CEP135: variants seen among roughly 807,000 people sequenced by gnomAD.
CEP135 encodes the protein centrosomal protein 135.
CEP135 carries 142 observed loss-of-function variants against 157.3 expected under a neutral mutation model. The ratio of observed to expected loss-of-function variants is 0.90; its 90% CI spans 0.79 to 1.04. The LOEUF is 1.04. Among genes scored for constraint, CEP135 ranks in the 50% least tolerant of loss-of-function variants. The pLI is 0.00. For synonymous variants in CEP135, 396 were observed against 439.8 expected, an observed-to-expected ratio of 0.90 and a Z score of 1.25; for missense variants, 1,317 against 1,309.2, an observed-to-expected ratio of 1.01 and a Z score of -0.09.
intron 6 of CEP135, among the ~76,000 whole-genome samples, chr4:55,961,565 G>A (rs1015015744): frequency 1.3e-5 from 2 of 151,722 alleles, no homozygotes; most frequent in Admixed American, 6.6e-5. Flanking sequence ...TGGAGTTGGC[G>A]ACCAGCCTGA....
At chr4:55,961,564 C>T (rs1367212514) in intron 6 of CEP135, among the ~76,000 whole-genome samples, 2 of 151,522 alleles carry the variant, frequency 1.3e-5, no homozygotes, top group Admixed American at 6.6e-5. Context: ...CTGGAGTTGG[C>T]GACCAGCCTG....
chr4:55,996,025 A>G (rs1729958361), intron 15 of CEP135, among the ~76,000 whole-genome samples: 1 of 152,222 alleles, frequency 6.6e-6, no homozygotes, highest in South Asian at 2.1e-4. Context: ...CATATATATT[A>G]GTTGTTTTAC....
At chr4:56,018,133 A>T (rs1730845376) in intron 22 of CEP135, among the ~76,000 whole-genome samples, 1 of 151,958 alleles carries the variant, frequency 6.6e-6, no homozygotes. Context: ...GCATCTGCTA[A>T]CACACCTGGC....
intron 5 of CEP135, among the ~76,000 whole-genome samples, chr4:55,957,590 G>T (rs1401857112): frequency 2.6e-5 from 4 of 152,212 alleles, no homozygotes; most frequent in Non-Finnish European, 1.5e-5. Flanking sequence ...GTTCATACTG[G>T]CTTAAAAATT....
At chr4:55,968,447 C>A (rs1728912717) in intron 8 of CEP135, among the ~76,000 whole-genome samples, 1 of 151,510 alleles carries the variant, frequency 6.6e-6, no homozygotes, top group Non-Finnish European at 1.5e-5. Flanking sequence ...CCCCAGACCA[C>A]CAACACAATC....
At chr4:56,010,089 C>G (rs1730519001) in intron 19 of CEP135, among the ~76,000 whole-genome samples, 186 bp downstream of exon 19, 2 of 152,112 alleles carry the variant, frequency 1.3e-5, no homozygotes, top group African/African-American at 2.4e-5. Context: ...GTGGCTCACA[C>G]CTGTAATCTT....
In CEP135 at chr4:55,963,932, A is replaced by G. The variant is rs536325676; in HGVS notation, c.700-342A>G. ...CCAGGAACTGAAGTAGTTGAGATTCAGTTCTAGTACTTGAGCATGTATGTA... is the reference window on the plus strand; with the variant it reads ...CCAGGAACTGAAGTAGTTGAGATTCGGTTCTAGTACTTGAGCATGTATGTA... On this transcript the variant is annotated intron_variant, in intron 6 of 25. Coordinates refer to ENST00000257287, the MANE Select transcript of CEP135 (RefSeq NM_025009.5). 3.3e-5 allele frequency among the ~76,000 whole-genome samples: 5 copies of G among 152,326 alleles called. No homozygotes were observed. In the South Asian group the frequency reaches 1.0e-3, roughly 32 times the overall value.
intron 21 of CEP135, among the ~76,000 whole-genome samples, chr4:56,012,484 A>G (rs1486155571): frequency 6.6e-6 from 1 of 152,212 alleles, no homozygotes; most frequent in African/African-American, 2.4e-5. Context: ...ACATACATCA[A>G]ATTTCCCATT....
intron 4 of CEP135, among the ~76,000 whole-genome samples, chr4:55,954,799 A>G (rs1163402273): frequency 6.6e-6 from 1 of 152,186 alleles, no homozygotes; most frequent in Non-Finnish European, 1.5e-5. Context: ...AAAGGAAATG[A>G]TGGGTCCAGG....
intron 21 of CEP135, 86 bp downstream of exon 21, chr4:56,012,071 T>TTTA (rs1730606875): frequency 1.1e-6 from 1 of 912,126 alleles, no homozygotes; most frequent in South Asian, 3.2e-5. Context: ...TTATTTATTT[T>TTTA]TTTTGAGATG....
At chr4:55,982,970 T>A (rs748365504) in intron 13 of CEP135, among the ~76,000 whole-genome samples, 8 of 152,188 alleles carry the variant, frequency 5.3e-5, no homozygotes, top group Non-Finnish European at 1.0e-4. Context: ...TCAGTATTAT[T>A]GAATTAATGC....
rs1403924777 is a variant in CEP135, at chr4:56,015,314, C to A, written c.2803-2334C>A. ...AGCTAGTTGGCTGCAAGTTCACCTT[C>A]AAGAAAAGGACAGAATGACTCTTAA... On this transcript the variant is annotated intron_variant, in intron 21 of 25. Coordinates refer to ENST00000257287, the MANE Select transcript of CEP135 (RefSeq NM_025009.5). Among the ~76,000 whole-genome samples the A allele has an allele frequency of 2.6e-5, 4 of 152,292 alleles. No individual in the cohort carries two copies. In the East Asian group the frequency reaches 7.7e-4, roughly 29 times the overall value.
At chr4:56,026,761 T>G (rs537710817) in intron 25 of CEP135, among the ~76,000 whole-genome samples, 2 of 152,266 alleles carry the variant, frequency 1.3e-5, no homozygotes, top group African/African-American at 4.8e-5. Flanking sequence ...TGAGGAAGGA[T>G]CAAAGGGATG....
At chr4:56,002,261 C>G (rs1420841087) in intron 17 of CEP135, among the ~76,000 whole-genome samples, 1 of 151,774 alleles carries the variant, frequency 6.6e-6, no homozygotes, top group South Asian at 2.1e-4. Context: ...TTGTTCTGGC[C>G]AGGACTTCCA....
intron 21 of CEP135, among the ~76,000 whole-genome samples, chr4:56,013,792 G>T (rs1416669413): frequency 6.6e-6 from 1 of 152,088 alleles, no homozygotes; most frequent in Non-Finnish European, 1.5e-5. Flanking sequence ...TAGAATTATA[G>T]CCTCCAGAAA....
intron 18 of CEP135, among the ~76,000 whole-genome samples, chr4:56,008,680 A>G (rs893645820): frequency 2.0e-4 from 30 of 152,132 alleles, no homozygotes; most frequent in African/African-American, 6.3e-4. Flanking sequence ...ACCTAAAATT[A>G]CTTTAGTAGC....
In CEP135 at chr4:55,978,994, C is replaced by T. The variant is rs558299825; in HGVS notation, c.1474-1149C>T. On this transcript the variant is annotated intron_variant, in intron 11 of 25. Transcript: ENST00000257287. ...GGATAACTAATCCCATCCATCATGC[C>T]TCGGTTTTGCTTATTTAACCAAGAG... is the stretch of plus-strand genomic sequence containing the variant. 2.8e-4 allele frequency among the ~76,000 whole-genome samples: 42 copies of T among 152,244 alleles called. 1 individual carries two copies. In the Middle Eastern group the frequency reaches 0.014, roughly 49 times the overall value.
intron 21 of CEP135, 142 bp from the exon 22 acceptor site, chr4:56,017,506 G>C: frequency 1.6e-6 from 1 of 614,984 alleles, no homozygotes; most frequent in Non-Finnish European, 2.8e-6. Context: ...TTAAATAGTA[G>C]GCAGCTTCCT....
chr4:55,959,001 A>G (rs1281720605), intron 5 of CEP135, among the ~76,000 whole-genome samples: 3 of 152,208 alleles, frequency 2.0e-5, no homozygotes, highest in Non-Finnish European at 4.4e-5. Flanking sequence ...GAGAGGATTG[A>G]TGGAGCTGTG....
Sources: gnomAD v4.1 joint callset for allele counts (sites outside exome capture counted in the v4.1 genomes callset) on GRCh38, gnomAD v4.1.1 for gene constraint, MANE v1.5 for transcripts, NCBI Gene and HGNC (gene_info 2026-07-23, HGNC 2026-07-21) for gene names.